FAM168A: variants seen among roughly 807,000 people sequenced by gnomAD.
The protein encoded by FAM168A is family with sequence similarity 168 member A.
Under a neutral mutation model 28.5 loss-of-function variants are expected in FAM168A, and 3 were observed. The observed-to-expected ratio is 0.11, with a 90% CI of 0.05 to 0.27. FAM168A has a LOEUF of 0.27. Among genes scored for constraint, FAM168A ranks in the 10% least tolerant of loss-of-function variants. The pLI is 1.00. For synonymous variants in FAM168A, 122 were observed against 124.2 expected, an observed-to-expected ratio of 0.98 and a Z score of 0.12; for missense variants, 222 against 311.5, an observed-to-expected ratio of 0.71 and a Z score of 2.16.
intron 1 of FAM168A, among the ~76,000 whole-genome samples, chr11:73,564,192 T>C (rs544183216): frequency 6.6e-6 from 1 of 152,330 alleles, no homozygotes; most frequent in South Asian, 2.1e-4. Context: ...GCCGGAAGAA[T>C]GTGATGCCTT....
intron 1 of FAM168A, among the ~76,000 whole-genome samples, chr11:73,548,824 T>C (rs1416326438): frequency 6.6e-6 from 1 of 151,514 alleles, no homozygotes; most frequent in Non-Finnish European, 1.5e-5. Context: ...TTTGTAAAGG[T>C]GGGGTCTCCC....
rs147997379 is a variant in FAM168A at position 73,542,271 on chromosome 11, T to C, written c.-19+55652A>G. 5.9e-3 allele frequency among the ~76,000 whole-genome samples: 897 copies of C among 152,326 alleles called. 7 individuals are homozygous for C. The highest frequency in any genetic ancestry group is 0.027 in the Middle Eastern group (8 of 294). The stretch of plus-strand genomic sequence containing the variant: ...AGATCTTTTGGTTATCTAATAACCA[T>C]TGTAAAAATGTAATATGTCCAAAAC... On this transcript the variant is annotated intron_variant, in intron 1 of 7. Coordinates refer to ENST00000356467, the MANE Select transcript of FAM168A (RefSeq NM_015159.3).
chr11:73,479,583 C>T (rs1477579572), intron 1 of FAM168A, among the ~76,000 whole-genome samples: 1 of 152,162 alleles, frequency 6.6e-6, no homozygotes. Context: ...CAACTGAGTC[C>T]ACTTAGCTCT....
At position 73,524,028 on chromosome 11, in the gene FAM168A, AC is replaced by A. The variant is rs369209307; in HGVS notation, c.-18-55537del. On this transcript the variant is annotated intron_variant, in intron 1 of 7. Coordinates refer to ENST00000356467, the MANE Select transcript of FAM168A (RefSeq NM_015159.3). ...GTAGGAGCCACTGCCCCCGGCCCCT[AC>A]TCTCATAATTAATTGTTAGTTTTGA... Among the ~76,000 whole-genome samples the A allele has an allele frequency of 2.0e-4, 31 of 151,670 alleles. No individual in the cohort carries two copies. The East Asian group carries it at 5.2e-3, about 26-fold the overall frequency.
chr11:73,433,378 A>C (rs1867031521), intron 2 of FAM168A, among the ~76,000 whole-genome samples: 1 of 151,820 alleles, frequency 6.6e-6, no homozygotes, highest in Non-Finnish European at 1.5e-5. Context: ...AAAAAAAAAA[A>C]ATCAATTTTA....
At chr11:73,521,841 C>T (rs889301067) in intron 1 of FAM168A, among the ~76,000 whole-genome samples, 1 of 152,080 alleles carries the variant, frequency 6.6e-6, no homozygotes, top group Admixed American at 6.5e-5. Flanking sequence ...TGGGACTCCT[C>T]ACTGAGAATA....
At chr11:73,471,351 T>C (rs1867811281) in intron 1 of FAM168A, among the ~76,000 whole-genome samples, 1 of 152,058 alleles carries the variant, frequency 6.6e-6, no homozygotes, top group African/African-American at 2.4e-5. Context: ...ACAAAAAACA[T>C]AATTTGTAAA....
At chr11:73,517,080 G>A (rs1005577447) in intron 1 of FAM168A, among the ~76,000 whole-genome samples, 13 of 152,080 alleles carry the variant, frequency 8.5e-5, no homozygotes, top group East Asian at 3.8e-4. Flanking sequence ...CGGCATTTGC[G>A]AGACCACTGA....
At chr11:73,472,362 A>G (rs1867827642) in intron 1 of FAM168A, among the ~76,000 whole-genome samples, 1 of 152,240 alleles carries the variant, frequency 6.6e-6, no homozygotes, top group South Asian at 2.1e-4. Flanking sequence ...CCAAAGTAGA[A>G]GCATTTTTGA....
At chr11:73,595,578 G>C (rs1244474448) in intron 1 of FAM168A, among the ~76,000 whole-genome samples, 2 of 151,990 alleles carry the variant, frequency 1.3e-5, no homozygotes, top group Non-Finnish European at 2.9e-5. Context: ...AATGCAATTA[G>C]GTCCATAGAA....
In FAM168A at chr11:73,400,808, ATTTT is replaced by A. The variant is rs767143773; in HGVS notation, c.*5951_*5954del. ...ACCTAAGACTTTTTTTTGGGGGGGAATTTTTTTTTTTAATAGTTATTGAGTGTTC... is the reference window on the plus strand; with the variant it reads ...ACCTAAGACTTTTTTTTGGGGGGGAATTTTTTTAATAGTTATTGAGTGTTC... On this transcript the variant is annotated 3_prime_UTR_variant, in exon 8 of 8. Coordinates refer to ENST00000356467, the MANE Select transcript of FAM168A (RefSeq NM_015159.3). The A allele has an allele frequency of 6.7e-6, 1 of 149,120 alleles. No individual in the cohort carries two copies. The highest frequency in any genetic ancestry group is 2.5e-5 in the African/African-American group (1 of 40,650). The allele number at this position is 149,120 out of a possible 1,614,324, so 9.2% of individuals were successfully genotyped here. A position where few individuals can be genotyped will look rare whatever the true frequency, so the allele number is the denominator to read the frequency against.
intron 1 of FAM168A, among the ~76,000 whole-genome samples, chr11:73,578,856 C>A (rs1944208092): frequency 6.6e-6 from 1 of 152,232 alleles, no homozygotes; most frequent in Admixed American, 6.5e-5. Context: ...TCTGTATTCA[C>A]CTTCTCATTT....
chr11:73,471,381 G>C (rs1398324545), intron 1 of FAM168A, among the ~76,000 whole-genome samples: 1 of 151,906 alleles, frequency 6.6e-6, no homozygotes, highest in Admixed American at 6.6e-5. Context: ...TTTAATGACA[G>C]GTTCATTAAA....
intron 6 of FAM168A, 135 bp downstream of exon 6, chr11:73,409,352 C>T (rs1221472111): frequency 5.3e-6 from 6 of 1,125,112 alleles, no homozygotes; most frequent in Non-Finnish European, 6.2e-6. Flanking sequence ...TTAGAGGCTC[C>T]TTCCTCTGGG....
intron 1 of FAM168A, among the ~76,000 whole-genome samples, chr11:73,502,124 G>C (rs1394308133): frequency 7.1e-6 from 1 of 141,456 alleles, no homozygotes; most frequent in African/African-American, 2.6e-5. Flanking sequence ...AAAAAGGCTA[G>C]CAGAAGACAA....
intron 2 of FAM168A, among the ~76,000 whole-genome samples, chr11:73,437,688 G>A (rs923422483): frequency 6.6e-6 from 1 of 152,052 alleles, no homozygotes; most frequent in African/African-American, 2.4e-5. Flanking sequence ...GAGTGCAGAG[G>A]CTGAGGCAGG....
intron 1 of FAM168A, among the ~76,000 whole-genome samples, chr11:73,556,809 C>T (rs527987357): frequency 6.6e-6 from 1 of 151,698 alleles, no homozygotes; most frequent in South Asian, 2.1e-4. Flanking sequence ...TCGCACAAGG[C>T]TAGGAGTTCA....
intron 1 of FAM168A, among the ~76,000 whole-genome samples, chr11:73,585,950 C>G (rs954202707): frequency 2.6e-5 from 4 of 151,496 alleles, no homozygotes; most frequent in Non-Finnish European, 5.9e-5. Context: ...TGTGCAAAAC[C>G]ACTGCATTAC....
At chr11:73,470,253 C>T (rs893726580) in intron 1 of FAM168A, among the ~76,000 whole-genome samples, 1 of 152,144 alleles carries the variant, frequency 6.6e-6, no homozygotes, top group Admixed American at 6.5e-5. Flanking sequence ...AAGTGACATG[C>T]AAATGTAAAC....
Sources: gnomAD v4.1 joint callset for allele counts (sites outside exome capture counted in the v4.1 genomes callset) on GRCh38, gnomAD v4.1.1 for gene constraint, MANE v1.5 for transcripts, NCBI Gene and HGNC (gene_info 2026-07-23, HGNC 2026-07-21) for gene names.